ZNF37A: variants seen among roughly 807,000 people sequenced by gnomAD.
ZNF37A encodes the protein zinc finger protein 37a (KOX 21).
Under a neutral mutation model 12.3 loss-of-function variants are expected in ZNF37A, and 10 were observed. The ratio of observed to expected loss-of-function variants is 0.82; its 90% CI spans 0.50 to 1.38. The LOEUF (loss-of-function observed/expected upper bound fraction) is 1.38. Among genes scored for constraint, ZNF37A ranks in the 40% most tolerant of loss-of-function variants. The pLI, the probability that ZNF37A is intolerant of heterozygous loss-of-function variation, is 0.00. For missense variants in ZNF37A, 580 were observed against 651.2 expected, an observed-to-expected ratio of 0.89 and a Z score of 1.19; for synonymous variants, 207 against 223.0, an observed-to-expected ratio of 0.93 and a Z score of 0.64.
intron 5 of ZNF37A, among the ~76,000 whole-genome samples, chr10:38,101,159 T>C (rs77988510): frequency 0.042 from 6,444 of 152,304 alleles, 192 homozygotes; most frequent in Non-Finnish European, 0.06. Flanking sequence ...CCATGCCCTT[T>C]GATGCAAAAT....
In ZNF37A at chr10:38,118,804, A is replaced by T. The variant is rs1215410557; in HGVS notation, c.1653A>T (p.Ile551=). ...GAATACACTTGGGGAGAAACCCTAT[A>T]AATGTAGTAAACGAGGGAAATTACT... ...HQRIHLGRNP[I]NVVNEGNYSG The change falls in exon 8 of 8, where the codon ATA becomes ATT. Residue 551 remains isoleucine, a synonymous_variant. Transcript: ENST00000685332. 6.3e-7 allele frequency: 1 copy of T among 1,591,054 alleles called. No individual in the cohort carries two copies. The highest frequency in any genetic ancestry group is 1.4e-5 in the African/African-American group (1 of 73,990).
At chr10:38,147,836 T>C (rs914599979) in exon 8 of ZNF37A, 2 of 152,210 alleles carry the variant, frequency 1.3e-5, no homozygotes, top group Non-Finnish European at 2.9e-5. Flanking sequence ...ATTTGGAAAT[T>C]TATCACCAGC....
downstream of ZNF37A, among the ~76,000 whole-genome samples, chr10:38,126,798 A>G (rs1159441337): frequency 6.6e-6 from 1 of 152,122 alleles, no homozygotes; most frequent in Non-Finnish European, 1.5e-5. Flanking sequence ...TGTGAAGCCA[A>G]CTATAGCCAT....
intron 7 of ZNF37A, chr10:38,142,139 G>C (rs148541538): frequency 2.0e-5 from 3 of 152,294 alleles, no homozygotes; most frequent in African/African-American, 7.2e-5. Context: ...CAGGGAAGCA[G>C]GGCTCTCTTT....
intron 7 of ZNF37A, chr10:38,142,539 A>T (rs1439352353): frequency 2.6e-5 from 4 of 152,224 alleles, no homozygotes; most frequent in Non-Finnish European, 4.4e-5. Context: ...GCTCAGGTAC[A>T]ACTCAGGTAC....
rs2070227312 is a variant in ZNF37A, at chr10:38,144,491, T to C, written c.239-2241T>C. On this transcript the variant is annotated intron_variant, in intron 7 of 7. Coordinates refer to the ZNF37A transcript ENST00000638053. ...ATAAAATATATATTTTGGAATAATA[T>C]GACCCACAGATTCATGATGCAATAT... 3.3e-5 allele frequency: 5 copies of C among 152,232 alleles called. No homozygotes were observed. In the South Asian group the frequency reaches 1.0e-3, roughly 31 times the overall value. 9.4% of individuals were successfully genotyped at this position (152,232 alleles called of 1,614,324 possible).
rs2069116085 is a variant in ZNF37A, at chr10:38,114,847, G to C, written c.108G>C (p.Val36=). Residue 36 remains valine, a synonymous_variant, in exon 6 of 8, where the codon GTG becomes GTC. Transcript: ENST00000685332. Reference sequence around the variant, plus strand: ...CTCAGAGGACCCTGTACAGGGATGTGATGCTGGAGAACTACAGCCACCTTG... The same window carrying C: ...CTCAGAGGACCCTGTACAGGGATGTCATGCTGGAGAACTACAGCCACCTTG... ...DPAQRTLYRD[V]MLENYSHLVS... is the part of the protein sequence containing the mutation. 1 of 1,613,374 alleles carries C rather than the reference G, an allele frequency of 6.2e-7. No homozygotes were observed. The highest frequency in any genetic ancestry group is 1.7e-5 in the Admixed American group (1 of 59,758).
At chr10:38,098,258 A>C (rs1246687323) in intron 5 of ZNF37A, among the ~76,000 whole-genome samples, 1 of 152,252 alleles carries the variant, frequency 6.6e-6, no homozygotes. Context: ...CGCTATCGTG[A>C]ATAGTGCTCC....
chr10:38,125,518 A>G (rs191703035), downstream of ZNF37A: 3 of 152,324 alleles, frequency 2.0e-5, no homozygotes, highest in African/African-American at 4.8e-5. Context: ...AGGAGATGGT[A>G]AAATGAACAG....
At chr10:38,101,967 T>G (rs2067622530) in intron 5 of ZNF37A, among the ~76,000 whole-genome samples, 1 of 151,776 alleles carries the variant, frequency 6.6e-6, no homozygotes, top group African/African-American at 2.4e-5. Context: ...GGATTACTGG[T>G]GCACACCATG....
At chr10:38,148,814 A>G (rs980435536) in exon 8 of ZNF37A, 2 of 150,440 alleles carry the variant, frequency 1.3e-5, no homozygotes, top group African/African-American at 4.9e-5. Context: ...GGGACTTTGC[A>G]ATTTTTTTAA....
rs1241263552 is a variant in ZNF37A at position 38,121,042 on chromosome 10, A to G, written c.*2205A>G. 3.9e-5 allele frequency: 6 copies of G among 152,198 alleles called. No individual in the cohort carries two copies. The highest frequency in any genetic ancestry group is 1.2e-4 in the African/African-American group (5 of 41,456). 9.4% of individuals were successfully genotyped at this position (152,198 alleles called of 1,614,324 possible). A position where few individuals can be genotyped will look rare whatever the true frequency, so the allele number is the denominator to read the frequency against. ...CAAACAATACCTGAGTGGAGTATTC[A>G]AAAACTTGCTTAGAAAGAAAACTCT... On this transcript the variant is annotated 3_prime_UTR_variant, in exon 8 of 8. Coordinates refer to ENST00000685332, the MANE Select transcript of ZNF37A (RefSeq NM_001324250.3).
chr10:38,095,697 T>TTCCTG (rs2067093427), intron 3 of ZNF37A, 47 bp from the exon 4 acceptor site: 1 of 152,246 alleles, frequency 6.6e-6, no homozygotes, highest in Non-Finnish European at 1.5e-5. Flanking sequence ...GGAAACGAGC[T>TTCCTG]TAACGTGTTA....
chr10:38,146,103 C>A (rs1393896737), intron 7 of ZNF37A, among the ~76,000 whole-genome samples: 1 of 152,018 alleles, frequency 6.6e-6, no homozygotes, highest in Non-Finnish European at 1.5e-5. Flanking sequence ...CTGTCTCAAA[C>A]AAAAAGAAAG....
rs2069725536 is a variant in ZNF37A at position 38,121,996 on chromosome 10, A to C, written c.*3159A>C. On this transcript the variant is annotated 3_prime_UTR_variant, in exon 8 of 8. Transcript: ENST00000685332. ...CTCATGTCTGTAATTCTAGCATGTT[A>C]GAAGGTCAAGGTGGGTGGGTTGCTT... The C allele has an allele frequency of 6.6e-6, 1 of 152,236 alleles. No homozygotes were observed. Among genetic ancestry groups the C allele is most frequent in the Non-Finnish European group, 1.5e-5 (1 of 68,104 alleles). The allele number at this position is 152,236 out of a possible 1,614,324, so 9.4% of individuals were successfully genotyped here. A position where few individuals can be genotyped will look rare whatever the true frequency, so the allele number is the denominator to read the frequency against.
At position 38,120,306 on chromosome 10, in the gene ZNF37A, G is replaced by A. The variant is rs2069618269; in HGVS notation, c.*1469G>A. ...TAGCCGGGCATGGTGGTGCACATCG[G>A]TAGTCCTGGCTACTAGAGAGGTTGA... On this transcript the variant is annotated 3_prime_UTR_variant, in exon 8 of 8. Transcript: ENST00000685332. The A allele has an allele frequency of 6.6e-6, 1 of 152,078 alleles. No homozygotes were observed. The highest frequency in any genetic ancestry group is 2.1e-4 in the South Asian group (1 of 4,820). The allele number at this position is 152,078 out of a possible 1,614,324, so 9.4% of individuals were successfully genotyped here.
chr10:38,114,265 CTTT>C (rs2069056844), intron 5 of ZNF37A, among the ~76,000 whole-genome samples: 1 of 152,078 alleles, frequency 6.6e-6, no homozygotes, highest in Non-Finnish European at 1.5e-5. Context: ...GGTTTTTAAC[CTTT>C]TGTTAAGTTT....
chr10:38,104,441 G>C (rs1320453446), intron 5 of ZNF37A, among the ~76,000 whole-genome samples: 1 of 151,240 alleles, frequency 6.6e-6, no homozygotes, highest in Non-Finnish European at 1.5e-5. Context: ...ATTCTGAAAA[G>C]CTTGATGCTG....
At chr10:38,148,660 C>A (rs1011764540) in exon 8 of ZNF37A, 5 of 152,158 alleles carry the variant, frequency 3.3e-5, no homozygotes, top group Admixed American at 6.6e-5. Flanking sequence ...ACCTTAACAC[C>A]CCGCCTTTGA....
Sources: allele counts gnomAD v4.1 joint callset (sites outside exome capture counted in the v4.1 genomes callset), GRCh38; gene constraint gnomAD v4.1.1; transcripts MANE v1.5; gene names NCBI Gene and HGNC (gene_info 2026-07-23, HGNC 2026-07-21).